The following BCAS3 variants were observed in gnomAD, a reference collection of about 807,000 sequenced individuals.
BCAS3 encodes BCAS3 microtubule associated cell migration factor, also known as BCAS4/BCAS3 fusion.
Under a neutral mutation model 116.1 loss-of-function variants are expected in BCAS3, and 53 were observed. The ratio of observed to expected loss-of-function variants is 0.46; its 90% CI spans 0.37 to 0.57. The LOEUF (loss-of-function observed/expected upper bound fraction) is 0.57. Ranked by LOEUF, BCAS3 falls within the 20% of genes least tolerant of loss-of-function variation. The pLI is 0.00. For synonymous variants in BCAS3, 391 were observed against 408.2 expected (o/e 0.96, Z 0.51); for missense variants, 917 against 1,165.4 (o/e 0.79, Z 3.10).
At chr17:61,046,418 A>G (rs1177501005) in intron 19 of BCAS3, among the ~76,000 whole-genome samples, 1 of 151,552 alleles carries the variant, frequency 6.6e-6, no homozygotes, top group Non-Finnish European at 1.5e-5. Context: ...GTCATGGGAA[A>G]TTGGTTCCAG....
intron 11 of BCAS3, among the ~76,000 whole-genome samples, chr17:60,903,084 A>C (rs762016252): frequency 1.3e-5 from 2 of 152,184 alleles, no homozygotes; most frequent in African/African-American, 2.4e-5. Flanking sequence ...ATGTTTGTCA[A>C]GTGAGCTCTT....
chr17:60,718,467 C>T (rs2038889361), intron 5 of BCAS3, among the ~76,000 whole-genome samples: 1 of 152,130 alleles, frequency 6.6e-6, no homozygotes, highest in Non-Finnish European at 1.5e-5. Context: ...CAGAGTCTTG[C>T]TCTGTTGCCC....
intron 12 of BCAS3, among the ~76,000 whole-genome samples, chr17:60,913,881 A>G (rs1287151766): frequency 6.6e-6 from 1 of 152,156 alleles, no homozygotes; most frequent in East Asian, 1.9e-4. Context: ...TATCTGTGTT[A>G]CTTTCATGTT....
At chr17:61,033,360 G>T (rs1014527496) in intron 16 of BCAS3, among the ~76,000 whole-genome samples, 4 of 152,154 alleles carry the variant, frequency 2.6e-5, no homozygotes, top group Non-Finnish European at 5.9e-5. Flanking sequence ...GTGGTACTAT[G>T]AGCTGGGGAC....
At position 61,133,859 on chromosome 17, in the gene BCAS3, CAAAAAAAAAAAA is replaced by C. The variant is rs11449964; in HGVS notation, c.2425+49307_2425+49318del. 2.4e-4 allele frequency among the ~76,000 whole-genome samples: 20 copies of C among 81,922 alleles called. No homozygotes were observed. In the South Asian group the frequency reaches 7.0e-3, roughly 29 times the overall value. The allele number at this position is 81,922 out of a possible 152,430, so 53.7% of individuals were successfully genotyped here. A position where few individuals can be genotyped will look rare whatever the true frequency, so the allele number is the denominator to read the frequency against. On this transcript the variant is annotated intron_variant, in intron 22 of 23. Coordinates refer to ENST00000407086, the MANE Select transcript of BCAS3 (RefSeq NM_017679.5). ...ATTGGCCTGCAACTGCCTGGAATCTCAAAAAAAAAAAAAAAAAAAAAAAGGAAACCCAAAAAA... is the reference window on the plus strand; with the variant it reads ...ATTGGCCTGCAACTGCCTGGAATCTCAAAAAAAAAAAGGAAACCCAAAAAA...
intron 22 of BCAS3, among the ~76,000 whole-genome samples, chr17:61,155,474 A>G (rs1601617334): frequency 6.7e-6 from 1 of 148,612 alleles, no homozygotes; most frequent in South Asian, 2.2e-4. Flanking sequence ...TCAAGCTTAA[A>G]TAACAGGTTA....
intron 14 of BCAS3, among the ~76,000 whole-genome samples, chr17:60,984,871 G>A (rs1036132315): frequency 2.6e-5 from 4 of 151,642 alleles, no homozygotes; most frequent in Non-Finnish European, 4.4e-5. Context: ...TTAGATGGGC[G>A]TGGTGGTGCA....
rs555858393 is a variant in BCAS3, at chr17:60,995,453, C to T, written c.1486+5218C>T. 1.2e-3 allele frequency among the ~76,000 whole-genome samples: 186 copies of T among 151,890 alleles called. No individual in the cohort carries two copies. Among genetic ancestry groups the T allele is most frequent in the African/African-American group, 4.4e-3 (181 of 41,414 alleles). Reference sequence around the variant, plus strand: ...CTGGGATTACAGACATGAGCCACCGCGCCCAGCCGAATTTTTGTATTTTAA... The same window carrying T: ...CTGGGATTACAGACATGAGCCACCGTGCCCAGCCGAATTTTTGTATTTTAA... On this transcript the variant is annotated intron_variant, in intron 15 of 23. Coordinates refer to ENST00000407086, the MANE Select transcript of BCAS3 (RefSeq NM_017679.5). This position sits in a 1 kb window ranked among gnomAD's most constrained non-coding sequence, Gnocchi z 4.7.
intron 22 of BCAS3, among the ~76,000 whole-genome samples, chr17:61,245,843 C>A (rs962443026): frequency 1.3e-5 from 2 of 152,158 alleles, no homozygotes; most frequent in African/African-American, 4.8e-5. Flanking sequence ...AGTGGAGGTA[C>A]CTACTGCCTA....
intron 22 of BCAS3, among the ~76,000 whole-genome samples, chr17:61,358,083 A>G (rs952057967): frequency 8.0e-5 from 8 of 99,836 alleles, no homozygotes; most frequent in Admixed American, 1.7e-4. Context: ...GTGAGACTCC[A>G]TCTCAAAAAA....
At chr17:60,842,031 T>C (rs1263007999) in intron 7 of BCAS3, among the ~76,000 whole-genome samples, 1 of 152,222 alleles carries the variant, frequency 6.6e-6, no homozygotes, top group African/African-American at 2.4e-5. Flanking sequence ...TATGAAAATT[T>C]ACCAAGGTGT....
At chr17:60,814,205 C>G (rs2049108325) in intron 7 of BCAS3, among the ~76,000 whole-genome samples, 1 of 151,706 alleles carries the variant, frequency 6.6e-6, no homozygotes, top group Non-Finnish European at 1.5e-5. Flanking sequence ...TGCTTTCTTT[C>G]AGCATTGTCT....
chr17:61,251,728 C>T lies in BCAS3; in HGVS notation c.2426-116599C>T, dbSNP rs2048382466. The stretch of plus-strand genomic sequence containing the variant: ...TCAGATCTCTGCAGATAATCTGGCC[C>T]CCATAAAAAAGCAATAGCAACTGGG... On this transcript the variant is annotated intron_variant, in intron 22 of 23. Transcript: ENST00000407086. This position sits in a 1 kb window ranked among gnomAD's most constrained non-coding sequence, Gnocchi z 4.7. Among the ~76,000 whole-genome samples the T allele has an allele frequency of 6.6e-6, 1 of 152,142 alleles. No individual in the cohort carries two copies. The highest frequency in any genetic ancestry group is 2.4e-5 in the African/African-American group (1 of 41,424).
chr17:60,818,974 A>G (rs778286843), intron 7 of BCAS3, among the ~76,000 whole-genome samples: 1 of 152,190 alleles, frequency 6.6e-6, no homozygotes, highest in Non-Finnish European at 1.5e-5. Context: ...ACCTCAGTGC[A>G]TGCTAGATAT....
In BCAS3 at chr17:61,302,230, C is replaced by T. The variant is rs2053512257; in HGVS notation, c.2426-66097C>T. 6.6e-6 allele frequency among the ~76,000 whole-genome samples: 1 copy of T among 152,184 alleles called. No individual in the cohort carries two copies. On this transcript the variant is annotated intron_variant, in intron 22 of 23. Transcript: ENST00000407086. This position sits in a 1 kb window ranked among gnomAD's most constrained non-coding sequence, Gnocchi z 4.4. Reference sequence around the variant, plus strand: ...CTCTGGTGTATTACTTGACTTTCCTCATCTTGTCTCTTAATGTCACATCAG... The same window carrying T: ...CTCTGGTGTATTACTTGACTTTCCTTATCTTGTCTCTTAATGTCACATCAG...
rs1489117185 is a variant in BCAS3 at position 60,764,645 on chromosome 17, T to C, written c.403+17366T>C. Among the ~76,000 whole-genome samples, 9 of 152,180 alleles carry C rather than the reference T, an allele frequency of 5.9e-5. No individual in the cohort carries two copies. The East Asian group carries it at 1.2e-3, about 20-fold the overall frequency. On this transcript the variant is annotated intron_variant, in intron 6 of 23. Coordinates refer to ENST00000407086, the MANE Select transcript of BCAS3 (RefSeq NM_017679.5). ...GTGGTCAGTTTTGGAATAAGTGCGA[T>C]GTGGTGCTGAGAACAATGTACATTC...
intron 22 of BCAS3, among the ~76,000 whole-genome samples, chr17:61,092,421 A>G (rs2073652322): frequency 6.6e-6 from 1 of 152,190 alleles, no homozygotes; most frequent in African/African-American, 2.4e-5. Context: ...CAAAGTAGGC[A>G]TATGTTTAAC....
Position 61,032,756 on chromosome 17 carries a change from A to G in BCAS3, c.1638-1910A>G, listed in dbSNP as rs774283335. On this transcript the variant is annotated intron_variant, in intron 16 of 23. Transcript: ENST00000407086. The surrounding 1 kb of genome is among the most constrained non-coding windows in gnomAD (Gnocchi z 4.6). The stretch of plus-strand genomic sequence containing the variant: ...ATTCAGCTTCCCACAGAAACTTTTT[A>G]TTTAAAAACGATGTCTTTATTCCCT... 3.9e-5 allele frequency among the ~76,000 whole-genome samples: 6 copies of G among 152,186 alleles called. No individual in the cohort carries two copies. The highest frequency in any genetic ancestry group is 8.8e-5 in the Non-Finnish European group (6 of 68,016).
chr17:61,237,040 C>T (rs1354491503), intron 22 of BCAS3, among the ~76,000 whole-genome samples: 1 of 152,146 alleles, frequency 6.6e-6, no homozygotes, highest in Non-Finnish European at 1.5e-5. Flanking sequence ...AAAAAGTTAT[C>T]TTTTTTACAT....
Sources: gnomAD v4.1 joint callset for allele counts (sites outside exome capture counted in the v4.1 genomes callset) on GRCh38, gnomAD v4.1.1 for gene constraint, Gnocchi (gnomAD v3.1) non-coding constraint, MANE v1.5 for transcripts, NCBI Gene and HGNC (gene_info 2026-07-23, HGNC 2026-07-21) for gene names.